The following SUMF1 variants were observed in gnomAD, a reference collection of about 807,000 sequenced individuals.
The protein encoded by SUMF1 is formylglycine-generating enzyme.
A neutral mutation model predicts 47.6 loss-of-function variants in SUMF1; 48 were observed. The observed-to-expected ratio is 1.01, with a 90% CI of 0.80 to 1.28. The LOEUF is 1.28. Among genes scored for constraint, SUMF1 ranks in the 50% most tolerant of loss-of-function variants. The pLI is 0.00. For synonymous variants in SUMF1, 230 were observed against 192.1 expected, an observed-to-expected ratio of 1.20 and a Z score of -1.63; for missense variants, 571 against 485.4, an observed-to-expected ratio of 1.18 and a Z score of -1.66.
intron 8 of SUMF1, among the ~76,000 whole-genome samples, chr3:4,118,380 G>C (rs570903866): frequency 4.0e-4 from 58 of 143,872 alleles, no homozygotes; most frequent in Non-Finnish European, 7.7e-4. Flanking sequence ...CCAAAATATA[G>C]AGCCAAAAAA....
At chr3:4,363,188 GAAC>G (rs1362552669) in intron 8 of SUMF1, among the ~76,000 whole-genome samples, 2 of 151,934 alleles carry the variant, frequency 1.3e-5, no homozygotes, top group Non-Finnish European at 2.9e-5. Flanking sequence ...AAAATACTAA[GAAC>G]AACACTAAGA....
chr3:4,248,295 T>C (rs1467886382), intron 8 of SUMF1, among the ~76,000 whole-genome samples: 1 of 152,164 alleles, frequency 6.6e-6, no homozygotes, highest in East Asian at 1.9e-4. Flanking sequence ...TGAAAGGAAC[T>C]TGTTTTAACT....
Position 4,169,700 on chromosome 3 carries a change from G to C in SUMF1, c.1015-100955C>G, listed in dbSNP as rs74557447. ...CCCCGTTTGGGGCTGACAATCTGCAGTGATTTAAAAGCTCCTGTAGCATAT... is the reference window on the plus strand; with the variant it reads ...CCCCGTTTGGGGCTGACAATCTGCACTGATTTAAAAGCTCCTGTAGCATAT... On this transcript the variant is annotated intron_variant and NMD_transcript_variant, in intron 8 of 12. Coordinates refer to the SUMF1 transcript ENST00000448413. Among the ~76,000 whole-genome samples the C allele has an allele frequency of 1.2e-3, 186 of 152,308 alleles. 1 individual carries two copies. Among genetic ancestry groups the C allele is most frequent in the African/African-American group, 4.3e-3 (178 of 41,584 alleles).
At chr3:4,181,656 G>T (rs1033810238) in intron 8 of SUMF1, among the ~76,000 whole-genome samples, 3 of 151,898 alleles carry the variant, frequency 2.0e-5, no homozygotes, top group Admixed American at 6.6e-5. Flanking sequence ...ATGATTTTTT[G>T]AGCTTCCCAA....
At chr3:4,375,725 AG>A in intron 8 of SUMF1, among the ~76,000 whole-genome samples, 1 of 152,294 alleles carries the variant, frequency 6.6e-6, no homozygotes, top group African/African-American at 2.4e-5. Context: ...CAAAGAAAAA[AG>A]GGAAGGGATG....
intron 6 of SUMF1, among the ~76,000 whole-genome samples, chr3:4,415,137 G>T (rs1428451172): frequency 7.0e-6 from 1 of 142,982 alleles, no homozygotes; most frequent in East Asian, 2.1e-4. Flanking sequence ...TGAGGCAGGA[G>T]AATCACTTGA....
intron 8 of SUMF1, among the ~76,000 whole-genome samples, chr3:4,363,789 C>T (rs1198065496): frequency 8.3e-6 from 1 of 120,720 alleles, no homozygotes; most frequent in Non-Finnish European, 1.7e-5. Flanking sequence ...AGAGGGCATC[C>T]CTGTCTTGTG....
At chr3:4,382,125 T>C (rs574361066) in intron 7 of SUMF1, among the ~76,000 whole-genome samples, 1 of 152,226 alleles carries the variant, frequency 6.6e-6, no homozygotes, top group African/African-American at 2.4e-5. Flanking sequence ...GCTGCTAAAA[T>C]CAGTGAGTGA....
Position 4,038,501 on chromosome 3 carries a change from C to T in SUMF1, c.1191+30068G>A, listed in dbSNP as rs949852149. Among the ~76,000 whole-genome samples the T allele has an allele frequency of 3.9e-5, 6 of 152,248 alleles. No individual in the cohort carries two copies. The South Asian group carries it at 8.3e-4, about 21-fold the overall frequency. On this transcript the variant is annotated intron_variant and NMD_transcript_variant, in intron 9 of 12. Transcript: ENST00000448413. ...GGCTTTCAGTTGCTCCCGGGGGATC[C>T]GCCTCTGATAAATGTGGACTCCCAG...
intron 8 of SUMF1, among the ~76,000 whole-genome samples, chr3:4,255,304 A>C (rs984820582): frequency 1.1e-5 from 1 of 92,816 alleles, no homozygotes; most frequent in Non-Finnish European, 2.3e-5. Context: ...GCTCCAATTA[A>C]AAGACACAGA....
intron 8 of SUMF1, among the ~76,000 whole-genome samples, chr3:4,158,893 T>G (rs1694512126): frequency 6.6e-6 from 1 of 151,630 alleles, no homozygotes; most frequent in South Asian, 2.1e-4. Context: ...AGTGTGTTTC[T>G]TGTAGGCAAC....
chr3:4,139,112 C>T (rs931223839), intron 8 of SUMF1, among the ~76,000 whole-genome samples: 2 of 152,048 alleles, frequency 1.3e-5, no homozygotes, highest in African/African-American at 4.8e-5. Flanking sequence ...ACAGATTAAA[C>T]ATAAAATTTT....
At chr3:4,072,599 GAATGGCTAA>G (rs1199999565) in intron 8 of SUMF1, among the ~76,000 whole-genome samples, 1 of 152,110 alleles carries the variant, frequency 6.6e-6, no homozygotes, top group African/African-American at 2.4e-5. Flanking sequence ...CAGGTTAAAG[GAATGGCTAA>G]CTAGAATAAC....
chr3:4,397,113 T>C (rs1161385875), intron 7 of SUMF1, among the ~76,000 whole-genome samples: 3 of 152,224 alleles, frequency 2.0e-5, no homozygotes, highest in African/African-American at 7.2e-5. Flanking sequence ...CTTCAGAAAG[T>C]GTAACACACT....
intron 5 of SUMF1, 58 bp from the exon 6 acceptor site, chr3:4,417,300 T>C: frequency 7.0e-7 from 1 of 1,425,320 alleles, no homozygotes. Context: ...TGGATGAAAG[T>C]CAAGAGAAGG....
intron 8 of SUMF1, among the ~76,000 whole-genome samples, chr3:4,218,795 A>C (rs760046786): frequency 3.9e-5 from 6 of 152,294 alleles, no homozygotes; most frequent in Non-Finnish European, 8.8e-5. Flanking sequence ...CATTTTGTAC[A>C]TATTTCATGA....
chr3:4,195,039 G>A (rs182877005), intron 8 of SUMF1, among the ~76,000 whole-genome samples: 1 of 152,164 alleles, frequency 6.6e-6, no homozygotes, highest in East Asian at 1.9e-4. Context: ...GTCTGTGGAG[G>A]CTTAAATTCA....
In SUMF1 at chr3:4,391,520, G is replaced by A. The variant is rs143196403; in HGVS notation, c.955-15131C>T. ...TTATTTTGAGACAGGGTCTCACTCT[G>A]TCACCCAGGCTGGAGTGTATTGCCA... On this transcript the variant is annotated intron_variant, in intron 7 of 8. Coordinates refer to ENST00000272902, the MANE Select transcript of SUMF1 (RefSeq NM_182760.4). Among the ~76,000 whole-genome samples, 344 of 152,234 alleles carry A rather than the reference G, an allele frequency of 2.3e-3. 3 individuals are homozygous for A. The highest frequency in any genetic ancestry group is 7.9e-3 in the African/African-American group (328 of 41,524).
chr3:4,457,995 G>A (rs1012627407), intron 1 of SUMF1, among the ~76,000 whole-genome samples: 3 of 152,096 alleles, frequency 2.0e-5, no homozygotes, highest in Non-Finnish European at 4.4e-5. Context: ...CATCTTATAT[G>A]GAGTTAATAT....
Sources: gnomAD v4.1 joint callset for allele counts (sites outside exome capture counted in the v4.1 genomes callset) on GRCh38, gnomAD v4.1.1 for gene constraint, MANE v1.5 for transcripts, NCBI Gene and HGNC (gene_info 2026-07-23, HGNC 2026-07-21) for gene names.